TENM2: variants seen among roughly 807,000 people sequenced by gnomAD.
The protein encoded by TENM2 is teneurin-2.
TENM2 carries 52 observed loss-of-function variants against 245.2 expected under a neutral mutation model. The observed-to-expected ratio is 0.21, with a 90% CI of 0.17 to 0.27. The LOEUF (loss-of-function observed/expected upper bound fraction) is 0.27. TENM2 is among the 10% of genes least tolerant of loss of function. The probability of loss-of-function intolerance (pLI) is 1.00; values close to 1 mark genes in which losing one functional copy is unlikely to be tolerated. For synonymous variants in TENM2, 1,363 were observed against 1,438.9 expected (o/e 0.95, Z 1.19); for missense variants, 3,046 against 3,666.8 (o/e 0.83, Z 4.37).
chr5:167,119,796 G>A, the TENM2 span, among the ~76,000 whole-genome samples: 1 of 152,220 alleles, frequency 6.6e-6, no homozygotes, highest in Non-Finnish European at 1.5e-5. Context: ...TGGTCGTGGA[G>A]GAGGCAGAGA....
At chr5:167,699,152 G>T (rs996978157) in intron 2 of TENM2, among the ~76,000 whole-genome samples, 1 of 152,026 alleles carries the variant, frequency 6.6e-6, no homozygotes, top group African/African-American at 2.4e-5. Context: ...GACTGTCACA[G>T]AAGATAGTCC....
At chr5:167,573,951 AC>A (rs1774465102) in intron 2 of TENM2, 1 of 151,820 alleles carries the variant, frequency 6.6e-6, no homozygotes, top group African/African-American at 2.4e-5. Flanking sequence ...GTAATTTGAG[AC>A]CGGTGGTAAG....
chr5:167,453,245 G>A (rs1765717227), intron 2 of TENM2, among the ~76,000 whole-genome samples: 1 of 151,928 alleles, frequency 6.6e-6, no homozygotes, highest in African/African-American at 2.4e-5. Context: ...AGTTTTTAAA[G>A]CTTTCCAGTT....
chr5:167,216,564 T>C, the TENM2 span, among the ~76,000 whole-genome samples: 12 of 152,178 alleles, frequency 7.9e-5, no homozygotes, highest in Non-Finnish European at 1.6e-4. Flanking sequence ...TCTAAAACAA[T>C]GAATTATTCC....
intron 2 of TENM2, among the ~76,000 whole-genome samples, chr5:167,808,211 C>T (rs1766371158): frequency 6.6e-6 from 1 of 152,180 alleles, no homozygotes; most frequent in South Asian, 2.1e-4. Flanking sequence ...TCAGTTTCCT[C>T]ATCTGTGAAA....
intron 3 of TENM2, among the ~76,000 whole-genome samples, chr5:167,877,641 G>A (rs922214677): frequency 3.3e-5 from 5 of 152,114 alleles, no homozygotes; most frequent in Non-Finnish European, 7.4e-5. Context: ...TTCTACCGCG[G>A]AACAATGACA....
chr5:167,813,387 GCACACACACACACA>G (rs142804283), intron 2 of TENM2, among the ~76,000 whole-genome samples: 5 of 145,422 alleles, frequency 3.4e-5, no homozygotes, highest in African/African-American at 1.2e-4. Context: ...TACAAGTTCT[GCACACACACACACA>G]CACACACACA....
intron 2 of TENM2, among the ~76,000 whole-genome samples, chr5:167,814,471 AAAAAG>A (rs1411244178): frequency 4.7e-5 from 7 of 149,444 alleles, no homozygotes; most frequent in South Asian, 2.1e-4. Context: ...AAAAAAAAAG[AAAAAG>A]AAAAGAAAAA....
At chr5:168,198,310 C>A (rs1761636458) in intron 15 of TENM2, among the ~76,000 whole-genome samples, 1 of 151,502 alleles carries the variant, frequency 6.6e-6, no homozygotes, top group South Asian at 2.1e-4. Flanking sequence ...ATTCTCCTGC[C>A]TTGGCCTCCT....
At chr5:167,736,577 C>T (rs1760814348) in intron 2 of TENM2, among the ~76,000 whole-genome samples, 1 of 151,530 alleles carries the variant, frequency 6.6e-6, no homozygotes, top group Admixed American at 6.6e-5. Flanking sequence ...AAAGATAATG[C>T]TGTAAGACAA....
the TENM2 span, among the ~76,000 whole-genome samples, chr5:167,055,161 A>G: frequency 1.3e-5 from 2 of 152,000 alleles, no homozygotes; most frequent in Non-Finnish European, 2.9e-5. Context: ...ACAGTTTTGC[A>G]TTTTGCATTT....
At chr5:167,872,315 AAAGAAAGAAAG>A (rs1772911696) in intron 2 of TENM2, among the ~76,000 whole-genome samples, 3 of 49,826 alleles carry the variant, frequency 6.0e-5, no homozygotes, top group African/African-American at 1.6e-4. Context: ...AGAAAGAAAG[AAAGAAAGAAAG>A]AAAGAAAGAA....
At chr5:167,264,393 G>A in the TENM2 span, among the ~76,000 whole-genome samples, 7 of 152,150 alleles carry the variant, frequency 4.6e-5, no homozygotes, top group Non-Finnish European at 1.0e-4. Context: ...ATCCTGATGT[G>A]TTAGACAAGA....
At chr5:167,897,158 G>T (rs930594386) in intron 3 of TENM2, among the ~76,000 whole-genome samples, 1 of 152,180 alleles carries the variant, frequency 6.6e-6, no homozygotes, top group Non-Finnish European at 1.5e-5. Context: ...ATGAGTAAGG[G>T]CTGACTGATG....
At chr5:168,196,159 A>G (rs569226181) in intron 15 of TENM2, among the ~76,000 whole-genome samples, 1 of 152,202 alleles carries the variant, frequency 6.6e-6, no homozygotes, top group East Asian at 1.9e-4. Context: ...AAGAACAGGG[A>G]TTTTTTACCT....
intron 5 of TENM2, among the ~76,000 whole-genome samples, chr5:167,998,112 G>A (rs1562032003): frequency 6.6e-6 from 1 of 152,216 alleles, no homozygotes; most frequent in Non-Finnish European, 1.5e-5. Flanking sequence ...CATCATGAAA[G>A]CATAGCTTTT....
At chr5:167,755,943 G>T (rs886164676) in intron 2 of TENM2, among the ~76,000 whole-genome samples, 1 of 151,992 alleles carries the variant, frequency 6.6e-6, no homozygotes, top group Non-Finnish European at 1.5e-5. Flanking sequence ...CTTTTCTAGG[G>T]CAACGTATGT....
At chr5:167,110,471 C>G in the TENM2 span, among the ~76,000 whole-genome samples, 1 of 152,178 alleles carries the variant, frequency 6.6e-6, no homozygotes, top group African/African-American at 2.4e-5. Context: ...TTAAAAGGCC[C>G]TTCCCACTCC....
At chr5:167,954,033 A>G (rs1780333415) in intron 4 of TENM2, among the ~76,000 whole-genome samples, 1 of 152,230 alleles carries the variant, frequency 6.6e-6, no homozygotes, top group African/African-American at 2.4e-5. Flanking sequence ...GCTAATAAAT[A>G]TCCTTGATCT....
Sources: gnomAD v4.1 joint callset for allele counts (sites outside exome capture counted in the v4.1 genomes callset) on GRCh38, gnomAD v4.1.1 for gene constraint, MANE v1.5 for transcripts, NCBI Gene and HGNC (gene_info 2026-07-23, HGNC 2026-07-21) for gene names.